The following ATP7A variants were observed in gnomAD, a reference collection of about 807,000 sequenced individuals.
ATP7A encodes ATPase copper transporting alpha.
A neutral mutation model predicts 83.5 loss-of-function variants in ATP7A; 7 were observed. That is an observed-to-expected ratio of 0.08 (90% CI 0.05 to 0.16). The LOEUF (loss-of-function observed/expected upper bound fraction) is 0.16, where lower values mean the gene tolerates loss of function less well. Among genes scored for constraint, ATP7A ranks in the 10% least tolerant of loss-of-function variants. ATP7A has a pLI of 1.00. For missense variants in ATP7A, 940 were observed against 1,120.8 expected (o/e 0.84, Z 2.30); for synonymous variants, 354 against 395.2 (o/e 0.90, Z 1.24).
chrX:77,959,640 T>G (rs1557227843), intron 1 of ATP7A, among the ~76,000 whole-genome samples: 3 of 112,671 alleles, frequency 2.7e-5, no homozygotes, highest in Non-Finnish European at 5.6e-5. Context: ...CTTCTCTCAG[T>G]GAGAATCACA....
At chrX:77,961,688 C>T (rs2077475508) in intron 1 of ATP7A, among the ~76,000 whole-genome samples, 1 of 110,995 alleles carries the variant, frequency 9.0e-6, no homozygotes, top group Non-Finnish European at 1.9e-5. Flanking sequence ...CATTTTTATA[C>T]CCTTGTACTG....
At chrX:77,948,061 ATT>A in intron 1 of ATP7A, among the ~76,000 whole-genome samples, 1 of 61,983 alleles carries the variant, frequency 1.6e-5, no homozygotes, top group Admixed American at 2.1e-4. Context: ...ATTTAAAAAT[ATT>A]TATTTATTTA....
chrX:77,939,780 T>C (rs189763198), intron 1 of ATP7A, among the ~76,000 whole-genome samples: 1 of 110,270 alleles, frequency 9.1e-6, no homozygotes, highest in Admixed American at 9.6e-5. Flanking sequence ...TTATATCACA[T>C]ATACACCAAC....
intron 3 of ATP7A, 31 bp from the exon 4 acceptor site, chrX:77,989,202 T>C: frequency 8.5e-7 from 1 of 1,182,581 alleles, no homozygotes. Context: ...CAGGAATAAC[T>C]GAATTAATTA....
chrX:77,974,666 A>T (rs1281128415), intron 2 of ATP7A: 10 of 290,211 alleles, frequency 3.4e-5, no homozygotes, highest in African/African-American at 2.8e-4. Context: ...GGGTTTTTTT[A>T]AACATCATGA....
intron 20 of ATP7A, among the ~76,000 whole-genome samples, chrX:78,043,111 C>T (rs1400391450): frequency 3.6e-5 from 4 of 112,294 alleles, no homozygotes; most frequent in Non-Finnish European, 7.5e-5. Flanking sequence ...AGCATACACC[C>T]CTAAAAGTGT....
chrX:77,969,099 A>C, intron 1 of ATP7A: 1 of 1,211,481 alleles, frequency 8.3e-7, no homozygotes. Context: ...CAATCAGTAC[A>C]CGTTTCCCCT....
At chrX:77,992,209 C>T (rs1382362976) in intron 4 of ATP7A, among the ~76,000 whole-genome samples, 2 of 107,345 alleles carry the variant, frequency 1.9e-5, no homozygotes, top group Non-Finnish European at 3.9e-5. Flanking sequence ...GGATTACAGG[C>T]GCCTGACACC....
intron 10 of ATP7A, 144 bp downstream of exon 10, chrX:78,013,256 G>A (rs1451758621): frequency 1.4e-5 from 8 of 558,019 alleles, no homozygotes; most frequent in Non-Finnish European, 2.1e-5. Context: ...AATATTTTAA[G>A]TTAAATATCA....
At chrX:77,969,947 A>T (rs2077536424) in intron 1 of ATP7A, among the ~76,000 whole-genome samples, 1 of 112,212 alleles carries the variant, frequency 8.9e-6, no homozygotes. Flanking sequence ...TTAGTGGCTT[A>T]AAGCAACAAA....
At chrX:78,005,683 CA>C (rs1218646073) in intron 6 of ATP7A, among the ~76,000 whole-genome samples, 26 of 13,694 alleles carry the variant, frequency 1.9e-3, no homozygotes, top group East Asian at 2.8e-3. Flanking sequence ...AACTCCATCT[CA>C]AAAAAAAAAA....
chrX:77,917,919 C>T (rs781963659), intron 1 of ATP7A, among the ~76,000 whole-genome samples: 21 of 111,935 alleles, frequency 1.9e-4, no homozygotes, highest in Non-Finnish European at 3.2e-4. Context: ...TTGTTTGTAA[C>T]CTGTGTTAGT....
In ATP7A at chrX:77,971,776, G is replaced by A. The variant is rs376662883; in HGVS notation, c.120+15G>A. ...ATCACATTAAGGTAAGTTACTCTTT[G>A]GAAACTGAAGTCAAATGCCATTGAA... is the stretch of plus-strand genomic sequence containing the variant. On this transcript the variant is annotated intron_variant, in intron 2 of 22. Coordinates refer to ENST00000341514, the MANE Select transcript of ATP7A (RefSeq NM_000052.7). 7.4e-6 allele frequency: 9 copies of A among 1,208,763 alleles called. No homozygotes were observed. The highest frequency in any genetic ancestry group is 9.0e-6 in the Non-Finnish European group (8 of 893,282).
At chrX:78,009,691 C>T (rs2077803782) in intron 7 of ATP7A, among the ~76,000 whole-genome samples, 1 of 112,069 alleles carries the variant, frequency 8.9e-6, no homozygotes, top group Non-Finnish European at 1.9e-5. Flanking sequence ...GACATAGTGG[C>T]TCATGCCTAT....
At chrX:77,927,542 T>C (rs1401554910) in intron 1 of ATP7A, among the ~76,000 whole-genome samples, 2 of 112,094 alleles carry the variant, frequency 1.8e-5, no homozygotes, top group Non-Finnish European at 3.8e-5. Flanking sequence ...AACCTTGTGA[T>C]AAGCATCCTT....
chrX:78,028,408 C>T (rs1381156551), intron 14 of ATP7A, among the ~76,000 whole-genome samples: 3 of 111,697 alleles, frequency 2.7e-5, no homozygotes, highest in Non-Finnish European at 5.6e-5. Flanking sequence ...AGGCAGGTCT[C>T]GGACTCCTGA....
chrX:77,932,241 C>T (rs1249441702), intron 1 of ATP7A, among the ~76,000 whole-genome samples: 2 of 109,256 alleles, frequency 1.8e-5, no homozygotes, highest in Non-Finnish European at 3.8e-5. Context: ...CGCGGCCGGG[C>T]AGAGGCGCTC....
intron 1 of ATP7A, among the ~76,000 whole-genome samples, chrX:77,919,297 C>A (rs1489237909): frequency 9.0e-6 from 1 of 111,038 alleles, no homozygotes; most frequent in African/African-American, 3.3e-5. Flanking sequence ...TAATGCCACT[C>A]CTATCTACCC....
At chrX:78,005,138 A>G (rs1461531095) in intron 6 of ATP7A, among the ~76,000 whole-genome samples, 1 of 111,204 alleles carries the variant, frequency 9.0e-6, no homozygotes, top group Non-Finnish European at 1.9e-5. Flanking sequence ...AAATATTTGG[A>G]GCATTTTTTT....
Sources: allele counts gnomAD v4.1 joint callset (sites outside exome capture counted in the v4.1 genomes callset), GRCh38; gene constraint gnomAD v4.1.1; transcripts MANE v1.5; gene names NCBI Gene and HGNC (gene_info 2026-07-23, HGNC 2026-07-21).